The following CERS3 variants were observed in gnomAD, a reference collection of about 807,000 sequenced individuals.
CERS3 encodes ceramide synthase 3, also known as LAG1 homolog, ceramide synthase 3.
CERS3 carries 33 observed loss-of-function variants against 50.3 expected under a neutral mutation model. The ratio of observed to expected loss-of-function variants is 0.66; its 90% CI spans 0.50 to 0.88. The LOEUF (loss-of-function observed/expected upper bound fraction) is 0.88, where lower values mean the gene tolerates loss of function less well. Among genes scored for constraint, CERS3 ranks in the 40% least tolerant of loss-of-function variants. CERS3 has a pLI of 0.00. For missense variants in CERS3, 470 were observed against 460.3 expected (o/e 1.02, Z -0.19); for synonymous variants, 176 against 155.2 (o/e 1.13, Z -0.99).
chr15:100,464,938 T>C (rs1487646282), intron 10 of CERS3, among the ~76,000 whole-genome samples: 2 of 151,910 alleles, frequency 1.3e-5, no homozygotes, highest in Non-Finnish European at 2.9e-5. Context: ...AGTAAAAGAG[T>C]GCAGTGGCTG....
At chr15:100,434,860 C>A (rs1019944203) in intron 11 of CERS3, among the ~76,000 whole-genome samples, 2 of 152,180 alleles carry the variant, frequency 1.3e-5, no homozygotes, top group African/African-American at 4.8e-5. Flanking sequence ...CTATCTCTTC[C>A]TTTCAGGATT....
At chr15:100,417,321 G>T (rs558652464) in intron 11 of CERS3, among the ~76,000 whole-genome samples, 1 of 152,172 alleles carries the variant, frequency 6.6e-6, no homozygotes, top group East Asian at 1.9e-4. Flanking sequence ...AAGGGGTGAC[G>T]GACGCACCTG....
chr15:100,541,834 G>T (rs1038239882), intron 1 of CERS3, among the ~76,000 whole-genome samples: 8 of 152,070 alleles, frequency 5.3e-5, no homozygotes, highest in African/African-American at 1.4e-4. Context: ...CATTTGTGGA[G>T]CTCTCATCAA....
chr15:100,446,375 T>TG (rs1382172802), intron 11 of CERS3, among the ~76,000 whole-genome samples: 2 of 141,202 alleles, frequency 1.4e-5, no homozygotes, highest in Non-Finnish European at 3.1e-5. Context: ...TTTTTTTTTT[T>TG]TTTTTTCTTT....
intron 1 of CERS3, among the ~76,000 whole-genome samples, chr15:100,537,578 G>A (rs8030498): frequency 0.51 from 78,066 of 151,972 alleles, 20,354 homozygotes; most frequent in South Asian, 0.6. Context: ...GGGGAAGAGC[G>A]CCTTATGAAA....
At chr15:100,535,814 G>A (rs575958381) in intron 1 of CERS3, among the ~76,000 whole-genome samples, 189 of 111,876 alleles carry the variant, frequency 1.7e-3, no homozygotes, top group South Asian at 3.8e-3. Context: ...ATATGTGCAC[G>A]GGAAGTGGGG....
At chr15:100,431,381 T>C (rs2033124200) in intron 11 of CERS3, among the ~76,000 whole-genome samples, 1 of 152,240 alleles carries the variant, frequency 6.6e-6, no homozygotes, top group Non-Finnish European at 1.5e-5. Context: ...AAAAATGTGC[T>C]ATTTAAAGAA....
intron 2 of CERS3, among the ~76,000 whole-genome samples, chr15:100,507,532 T>TGTGATAAC (rs2036220994): frequency 6.6e-6 from 1 of 152,278 alleles, no homozygotes; most frequent in Non-Finnish European, 1.5e-5. Flanking sequence ...CCTGTGATAA[T>TGTGATAAC]CCACAGCCAG....
chr15:100,497,264 G>T (rs749809413), intron 3 of CERS3, among the ~76,000 whole-genome samples: 1 of 152,018 alleles, frequency 6.6e-6, no homozygotes, highest in Non-Finnish European at 1.5e-5. Flanking sequence ...TATATAGAGA[G>T]AGAGACAGAG....
At chr15:100,470,706 C>CATTT (rs2034940846) in intron 9 of CERS3, among the ~76,000 whole-genome samples, 1 of 152,074 alleles carries the variant, frequency 6.6e-6, no homozygotes, top group Non-Finnish European at 1.5e-5. Context: ...AGACAGCAGC[C>CATTT]CCTTTGCTTG....
chr15:100,493,712 AT>A (rs766756550), intron 3 of CERS3, among the ~76,000 whole-genome samples: 3 of 151,744 alleles, frequency 2.0e-5, no homozygotes, highest in Admixed American at 1.3e-4. Context: ...ATTCTCTTTT[AT>A]TTTGCTGTTC....
At chr15:100,406,459 A>G (rs2031031892) in intron 11 of CERS3, among the ~76,000 whole-genome samples, 2 of 152,226 alleles carry the variant, frequency 1.3e-5, no homozygotes, top group African/African-American at 4.8e-5. Flanking sequence ...TTGAAAAACC[A>G]AAGTGCCCAC....
chr15:100,471,539 A>C (rs572002587), intron 9 of CERS3, among the ~76,000 whole-genome samples: 1 of 152,326 alleles, frequency 6.6e-6, no homozygotes, highest in East Asian at 1.9e-4. Context: ...GTTTAGAAGC[A>C]ACAGAGTCGT....
At chr15:100,457,731 T>C (rs1489155076) in intron 10 of CERS3, among the ~76,000 whole-genome samples, 2 of 152,232 alleles carry the variant, frequency 1.3e-5, no homozygotes, top group African/African-American at 4.8e-5. Flanking sequence ...CTTAACTTTA[T>C]AATAAACTGA....
At chr15:100,542,291 GA>G (rs2037219839) in intron 1 of CERS3, among the ~76,000 whole-genome samples, 1 of 152,132 alleles carries the variant, frequency 6.6e-6, no homozygotes, top group Admixed American at 6.5e-5. Context: ...TTGGACTGTT[GA>G]ACTTCTTTAC....
intron 1 of CERS3, chr15:100,544,353 T>TGGCCTCCGCGGG (rs1567697091): frequency 7.8e-6 from 1 of 127,444 alleles, no homozygotes; most frequent in African/African-American, 3.4e-5. Flanking sequence ...CTCTGGGCCT[T>TGGCCTCCGCGGG]GACCTGCGCG....
At chr15:100,491,016 T>G (rs1162840099) in intron 3 of CERS3, 85 bp from the exon 4 acceptor site, 17 of 803,376 alleles carry the variant, frequency 2.1e-5, no homozygotes, top group Non-Finnish European at 3.2e-5. Flanking sequence ...TAACTTCAGG[T>G]TTCTAATGAA....
Position 100,466,742 on chromosome 15 carries a change from TTCCTTCC to T in CERS3, c.845+2629_845+2635del, listed in dbSNP as rs1567638296. Among the ~76,000 whole-genome samples, 51 of 22,178 alleles carry T rather than the reference TTCCTTCC, an allele frequency of 2.3e-3. 1 individual carries two copies. The highest frequency in any genetic ancestry group is 5.6e-3 in the African/African-American group (50 of 8,874). The allele number at this position is 22,178 out of a possible 152,430, so 14.5% of individuals were successfully genotyped here. A position where few individuals can be genotyped will look rare whatever the true frequency, so the allele number is the denominator to read the frequency against. On this transcript the variant is annotated intron_variant, in intron 10 of 11. Coordinates refer to ENST00000679737, the MANE Select transcript of CERS3 (RefSeq NM_001378789.1). Reference sequence around the variant, plus strand: ...TTTCTTATCTTCTTTCCTTCTTTCCTTCCTTCCTTCCTTCCTTCCTTCCTTCCTTCCT... The same window carrying T: ...TTTCTTATCTTCTTTCCTTCTTTCCTTTCCTTCCTTCCTTCCTTCCTTCCT...
At chr15:100,517,249 T>G (rs1431896241) in intron 2 of CERS3, among the ~76,000 whole-genome samples, 2 of 152,258 alleles carry the variant, frequency 1.3e-5, no homozygotes, top group Non-Finnish European at 2.9e-5. Context: ...GCCTGGCACA[T>G]GGCAAGTGCC....
Sources: gnomAD v4.1 joint callset for allele counts (sites outside exome capture counted in the v4.1 genomes callset) on GRCh38, gnomAD v4.1.1 for gene constraint, MANE v1.5 for transcripts, NCBI Gene and HGNC (gene_info 2026-07-23, HGNC 2026-07-21) for gene names.